The following HDGFL3 variants were observed in gnomAD, a reference collection of about 807,000 sequenced individuals.
HDGFL3 encodes hepatoma-derived growth factor-related protein 3.
A neutral mutation model predicts 27.6 loss-of-function variants in HDGFL3; 6 were observed. That is an observed-to-expected ratio of 0.22 (90% CI 0.12 to 0.43). The LOEUF (loss-of-function observed/expected upper bound fraction) is 0.43. Ranked by LOEUF, HDGFL3 falls within the 20% of genes least tolerant of loss-of-function variation. The pLI, the probability that HDGFL3 is intolerant of heterozygous loss-of-function variation, is 1.00. For missense variants in HDGFL3, 207 were observed against 250.1 expected (o/e 0.83, Z 1.16); for synonymous variants, 88 against 88.9 (o/e 0.99, Z 0.05).
At chr15:83,145,872 TTCTC>T (rs796324546) in intron 5 of HDGFL3, among the ~76,000 whole-genome samples, 2 of 141,014 alleles carry the variant, frequency 1.4e-5, no homozygotes, top group East Asian at 4.0e-4. Context: ...TTTTTTTTTT[TTCTC>T]TCTCTCTCCC....
intron 1 of HDGFL3, chr15:83,180,935 CAATTTAATATTTGAA>C (rs2037372907): frequency 6.6e-6 from 1 of 151,676 alleles, no homozygotes; most frequent in South Asian, 2.1e-4. Context: ...CCATGCCCGG[CAATTTAATATTTGAA>C]AAGAACACTG....
chr15:83,135,261 AG>A lies in HDGFL3; in HGVS notation c.*4008del, dbSNP rs2036533698. ...ACTTGTCCTTTTCTTGTCATGGTGA[AG>A]TCAAGTAAGTAACACCTTTATCTGT... On this transcript the variant is annotated 3_prime_UTR_variant, in exon 6 of 6. Coordinates refer to ENST00000299633, the MANE Select transcript of HDGFL3 (RefSeq NM_016073.4). 6.6e-6 allele frequency: 1 copy of A among 152,248 alleles called. No homozygotes were observed. Among genetic ancestry groups the A allele is most frequent in the Non-Finnish European group, 1.5e-5 (1 of 68,038 alleles). 9.4% of individuals were successfully genotyped at this position (152,248 alleles called of 1,614,324 possible).
intron 5 of HDGFL3, chr15:83,144,983 AT>A: frequency 6.4e-6 from 1 of 156,596 alleles, no homozygotes; most frequent in Non-Finnish European, 1.4e-5. Context: ...AACTCCAAGC[AT>A]TCTAGATAAG....
chr15:83,189,037 T>C (rs1426959459), intron 1 of HDGFL3, among the ~76,000 whole-genome samples: 1 of 152,094 alleles, frequency 6.6e-6, no homozygotes. Flanking sequence ...ATCTCATTCA[T>C]CACTGTGTCC....
At chr15:83,159,298 T>A (rs2037068549) in intron 2 of HDGFL3, among the ~76,000 whole-genome samples, 1 of 152,252 alleles carries the variant, frequency 6.6e-6, no homozygotes, top group Non-Finnish European at 1.5e-5. Context: ...ATTCTGAGCC[T>A]GGCTAATAGA....
In HDGFL3 at chr15:83,197,214, T is replaced by C. The variant is rs544923565; in HGVS notation, c.84+10117A>G. 4.6e-5 allele frequency among the ~76,000 whole-genome samples: 7 copies of C among 152,280 alleles called. No individual in the cohort carries two copies. The East Asian group carries it at 1.4e-3, about 29-fold the overall frequency. ...GTGCTGAGCTGGAGAACAGCCAGAG[T>C]TCTTGAACACCTGGCATATCATAAA... On this transcript the variant is annotated intron_variant, in intron 1 of 5. Transcript: ENST00000299633.
chr15:83,184,570 AAT>A (rs2037417713), intron 1 of HDGFL3: 1 of 152,166 alleles, frequency 6.6e-6, no homozygotes, highest in African/African-American at 2.4e-5. Flanking sequence ...TCTAATCTGA[AAT>A]AAGGTACTTA....
At chr15:83,119,452 A>G in intron 3 of HDGFL3, 1 of 1,003,092 alleles carries the variant, frequency 1.0e-6, no homozygotes, top group Non-Finnish European at 1.5e-6. Flanking sequence ...ATTTTGAAGA[A>G]ATAGTTTCAT....
At chr15:83,192,788 G>A (rs939825559) in intron 1 of HDGFL3, among the ~76,000 whole-genome samples, 1 of 152,172 alleles carries the variant, frequency 6.6e-6, no homozygotes, top group Non-Finnish European at 1.5e-5. Flanking sequence ...AATCCATCTT[G>A]ACCACCCTAT....
downstream of HDGFL3, chr15:83,126,732 A>G (rs2035784532): frequency 6.3e-7 from 1 of 1,582,932 alleles, no homozygotes. Flanking sequence ...GTATTTTTAT[A>G]ATGAGTTTAT....
At chr15:83,196,899 G>A (rs1330260015) in intron 1 of HDGFL3, among the ~76,000 whole-genome samples, 1 of 152,138 alleles carries the variant, frequency 6.6e-6, no homozygotes, top group East Asian at 1.9e-4. Context: ...GAAAATGAGG[G>A]GGAAAGGCTG....
At chr15:83,155,454 T>A (rs1360216872) in intron 4 of HDGFL3, among the ~76,000 whole-genome samples, 7 of 152,176 alleles carry the variant, frequency 4.6e-5, no homozygotes, top group African/African-American at 1.7e-4. Context: ...CAGCAGGCAA[T>A]CACAAATTAA....
At chr15:83,202,664 A>G (rs970142729) in intron 1 of HDGFL3, among the ~76,000 whole-genome samples, 3 of 152,142 alleles carry the variant, frequency 2.0e-5, no homozygotes, top group African/African-American at 7.2e-5. Context: ...ATTGAGGTAT[A>G]ACTTTCATAC....
chr15:83,149,894 G>C (rs2036943149), intron 5 of HDGFL3, among the ~76,000 whole-genome samples: 1 of 152,184 alleles, frequency 6.6e-6, no homozygotes, highest in African/African-American at 2.4e-5. Flanking sequence ...ACGAATGACT[G>C]GGTGTGCTTT....
rs76974209 is a variant in HDGFL3, at chr15:83,181,844, C to A, written c.85-17769G>T. Among the ~76,000 whole-genome samples, 171 of 152,326 alleles carry A rather than the reference C, an allele frequency of 1.1e-3. 3 individuals are homozygous for A. The East Asian group carries it at 0.029, about 26-fold the overall frequency. On this transcript the variant is annotated intron_variant, in intron 1 of 5. Coordinates refer to ENST00000299633, the MANE Select transcript of HDGFL3 (RefSeq NM_016073.4). ...CCCCCAACGCTGCACCCTCCTCCTC[C>A]ACAATCCTCCTTGGTCTTCAAAGCT...
intron 1 of HDGFL3, among the ~76,000 whole-genome samples, chr15:83,187,815 A>C (rs2037463700): frequency 7.0e-6 from 1 of 142,674 alleles, no homozygotes; most frequent in Non-Finnish European, 1.5e-5. Context: ...TTGACCTGGG[A>C]GGCTGAGGTT....
At chr15:83,167,583 AAAG>A (rs796427773) in intron 1 of HDGFL3, among the ~76,000 whole-genome samples, 15 of 152,022 alleles carry the variant, frequency 9.9e-5, no homozygotes, top group African/African-American at 3.6e-4. Flanking sequence ...AAAAAAGTAC[AAAG>A]AAGGGCAGTA....
chr15:83,125,825 G>C (rs1476391382), downstream of HDGFL3, among the ~76,000 whole-genome samples: 1 of 152,166 alleles, frequency 6.6e-6, no homozygotes, highest in Non-Finnish European at 1.5e-5. Flanking sequence ...AGGGTGAGAA[G>C]CTGTTTTAAG....
intron 1 of HDGFL3, among the ~76,000 whole-genome samples, chr15:83,169,414 CAAAAAAAAAAAAAA>C (rs58159581): frequency 1.8e-3 from 63 of 35,564 alleles, no homozygotes; most frequent in African/African-American, 4.2e-3. Context: ...GACTCCGTCT[CAAAAAAAAAAAAAA>C]AAAAAAAAAA....
Sources: allele counts gnomAD v4.1 joint callset (sites outside exome capture counted in the v4.1 genomes callset), GRCh38; gene constraint gnomAD v4.1.1; transcripts MANE v1.5; gene names NCBI Gene and HGNC (gene_info 2026-07-23, HGNC 2026-07-21).